The following CTNNA3 variants were observed in gnomAD, a reference collection of about 807,000 sequenced individuals.
CTNNA3 encodes the protein catenin alpha 3.
CTNNA3 carries 76 observed loss-of-function variants against 95.7 expected under a neutral mutation model. The observed-to-expected ratio is 0.79, with a 90% confidence interval of 0.66 to 0.96. The LOEUF is 0.96. Ranked by LOEUF, CTNNA3 falls within the 40% of genes least tolerant of loss-of-function variation. The probability of loss-of-function intolerance (pLI) is 0.00; values close to 1 mark genes in which losing one functional copy is unlikely to be tolerated. For synonymous variants in CTNNA3, 431 were observed against 374.4 expected (o/e 1.15, Z -1.74); for missense variants, 1,191 against 1,089.8 (o/e 1.09, Z -1.31).
chr10:66,158,518 T>C (rs1048280649), intron 13 of CTNNA3, among the ~76,000 whole-genome samples: 2 of 152,150 alleles, frequency 1.3e-5, no homozygotes, highest in Admixed American at 1.3e-4. Context: ...TGCCTATTTT[T>C]GTACTAGTAC....
At chr10:66,622,169 TTTA>T (rs1197267735) in intron 9 of CTNNA3, among the ~76,000 whole-genome samples, 1 of 152,134 alleles carries the variant, frequency 6.6e-6, no homozygotes, top group African/African-American at 2.4e-5. Flanking sequence ...TTGTAATTGG[TTTA>T]TTATTTCCCA....
At chr10:66,768,946 G>A (rs1012725354) in intron 8 of CTNNA3, among the ~76,000 whole-genome samples, 10 of 152,244 alleles carry the variant, frequency 6.6e-5, no homozygotes, top group African/African-American at 2.4e-4. Flanking sequence ...GGTTTGAAGA[G>A]TGAATGAGAG....
intron 15 of CTNNA3, among the ~76,000 whole-genome samples, chr10:66,033,339 G>A (rs1168163725): frequency 6.6e-6 from 1 of 152,002 alleles, no homozygotes; most frequent in Admixed American, 6.6e-5. Context: ...GTTTCACCAT[G>A]TTAGCCGGGA....
intron 13 of CTNNA3, among the ~76,000 whole-genome samples, chr10:66,236,986 G>A (rs928340857): frequency 6.6e-6 from 1 of 151,822 alleles, no homozygotes; most frequent in South Asian, 2.1e-4. Flanking sequence ...AAGATTAGCT[G>A]GGCATGGTGA....
At chr10:67,232,975 T>C (rs1469214140) in intron 5 of CTNNA3, among the ~76,000 whole-genome samples, 5 of 152,102 alleles carry the variant, frequency 3.3e-5, no homozygotes, top group Non-Finnish European at 5.9e-5. Context: ...CCTAAATATA[T>C]ATGCACCCAA....
chr10:66,545,600 G>T (rs961315449), intron 10 of CTNNA3, among the ~76,000 whole-genome samples: 1 of 152,002 alleles, frequency 6.6e-6, no homozygotes, highest in African/African-American at 2.4e-5. Flanking sequence ...CATTTCAGAA[G>T]ACAATGCTAA....
rs79244886 is a variant in CTNNA3 at position 67,241,772 on chromosome 10, A to G, written c.580-21902T>C. Among the ~76,000 whole-genome samples, 1,968 of 152,332 alleles carry G rather than the reference A, an allele frequency of 0.013. 120 individuals are homozygous for G. In the East Asian group the frequency reaches 0.19, roughly 15 times the overall value. On this transcript the variant is annotated intron_variant, in intron 5 of 17. Transcript: ENST00000433211. ...TCTATGAGAAATCATAAAAAGCGGT[A>G]TCCCTTGTTGTCAAAAGAAGAAATG... is the stretch of plus-strand genomic sequence containing the variant.
intron 11 of CTNNA3, among the ~76,000 whole-genome samples, chr10:66,479,808 A>G (rs540525132): frequency 2.0e-5 from 3 of 152,158 alleles, no homozygotes; most frequent in African/African-American, 7.2e-5. Context: ...CTTTTTCGAA[A>G]TACTTTAGCT....
intron 5 of CTNNA3, among the ~76,000 whole-genome samples, chr10:67,500,123 T>C (rs754609201): frequency 4.6e-5 from 7 of 152,222 alleles, no homozygotes; most frequent in Non-Finnish European, 8.8e-5. Context: ...GGGATTCTTG[T>C]ATGTTGTGTC....
At chr10:67,263,497 A>G (rs1299912908) in intron 5 of CTNNA3, among the ~76,000 whole-genome samples, 1 of 152,128 alleles carries the variant, frequency 6.6e-6, no homozygotes, top group African/African-American at 2.4e-5. Context: ...GATGGTTGCC[A>G]TCATTTGTTA....
At chr10:66,059,893 G>C (rs771110937) in intron 15 of CTNNA3, among the ~76,000 whole-genome samples, 46 of 152,042 alleles carry the variant, frequency 3.0e-4, no homozygotes, top group Non-Finnish European at 6.0e-4. Flanking sequence ...GGTGCTTAGA[G>C]CAGCTTTACT....
At chr10:66,420,835 A>AAATAAATAGATAAATAAATTAATT (rs751801209) in intron 11 of CTNNA3, among the ~76,000 whole-genome samples, 4 of 92,994 alleles carry the variant, frequency 4.3e-5, no homozygotes, top group Non-Finnish European at 9.2e-5. Flanking sequence ...ATAAATAAAT[A>AAATAAATAGATAAATAAATTAATT]AATAAAAAAC....
At chr10:67,294,114 T>C (rs1011284260) in intron 5 of CTNNA3, among the ~76,000 whole-genome samples, 4 of 152,178 alleles carry the variant, frequency 2.6e-5, no homozygotes, top group Non-Finnish European at 4.4e-5. Context: ...GGCTTTTTCA[T>C]CCTACAAAGA....
At chr10:67,367,244 A>G (rs776538911) in intron 5 of CTNNA3, among the ~76,000 whole-genome samples, 6 of 152,346 alleles carry the variant, frequency 3.9e-5, no homozygotes, top group Non-Finnish European at 7.3e-5. Flanking sequence ...CAAGCGAAAA[A>G]CAAATAACCC....
intron 10 of CTNNA3, among the ~76,000 whole-genome samples, chr10:66,583,004 G>C (rs1014385876): frequency 1.3e-5 from 2 of 151,656 alleles, no homozygotes; most frequent in African/African-American, 4.8e-5. Context: ...GAATATAGTG[G>C]ATTATTTTTT....
chr10:66,142,595 G>C (rs1342543983), intron 13 of CTNNA3, among the ~76,000 whole-genome samples: 1 of 110,234 alleles, frequency 9.1e-6, no homozygotes, highest in Non-Finnish European at 2.0e-5. Flanking sequence ...GGAAATAATA[G>C]AGCCAGTTTT....
intron 9 of CTNNA3, among the ~76,000 whole-genome samples, chr10:66,694,505 G>A (rs938541404): frequency 8.5e-5 from 13 of 152,202 alleles, no homozygotes; most frequent in African/African-American, 2.6e-4. Flanking sequence ...AGGACCAGAC[G>A]GATTCACAGC....
chr10:66,314,354 G>T (rs1189227937), intron 12 of CTNNA3, among the ~76,000 whole-genome samples: 1 of 152,120 alleles, frequency 6.6e-6, no homozygotes, highest in East Asian at 1.9e-4. Flanking sequence ...AATTAGATTT[G>T]TATATAAAAT....
intron 5 of CTNNA3, among the ~76,000 whole-genome samples, chr10:67,327,651 C>T (rs1478451377): frequency 1.3e-5 from 2 of 152,168 alleles, no homozygotes; most frequent in African/African-American, 2.4e-5. Flanking sequence ...CAGTACACTC[C>T]AACGGGTGGT....
Sources: allele counts gnomAD v4.1 joint callset (sites outside exome capture counted in the v4.1 genomes callset), GRCh38; gene constraint gnomAD v4.1.1; transcripts MANE v1.5; gene names NCBI Gene and HGNC (gene_info 2026-07-23, HGNC 2026-07-21).